The following GRIN3A variants were observed in gnomAD, a reference collection of about 807,000 sequenced individuals.
The protein encoded by GRIN3A is glutamate receptor ionotropic, NMDA 3A.
In GRIN3A, 47 loss-of-function variants were observed where a neutral mutation model predicts 92.4. The ratio of observed to expected loss-of-function variants is 0.51; its 90% confidence interval spans 0.40 to 0.65. The LOEUF is 0.65. Among genes scored for constraint, GRIN3A ranks in the 30% least tolerant of loss-of-function variants. The pLI, the probability that GRIN3A is intolerant of heterozygous loss-of-function variation, is 0.00. For synonymous variants in GRIN3A, 527 were observed against 540.6 expected, an observed-to-expected ratio of 0.97 and a Z score of 0.35; for missense variants, 1,324 against 1,393.1, an observed-to-expected ratio of 0.95 and a Z score of 0.79.
intron 1 of GRIN3A, among the ~76,000 whole-genome samples, chr9:101,712,871 A>C (rs1268099919): frequency 6.6e-6 from 1 of 152,222 alleles, no homozygotes; most frequent in African/African-American, 2.4e-5. Context: ...TTTAATCCTT[A>C]TTAAAACTCA....
chr9:101,627,400 T>G (rs535928925), intron 4 of GRIN3A, among the ~76,000 whole-genome samples: 1 of 152,374 alleles, frequency 6.6e-6, no homozygotes, highest in African/African-American at 2.4e-5. Flanking sequence ...TATTTATTTC[T>G]ATTCTTTCTT....
In GRIN3A at chr9:101,670,956, C is replaced by T. The variant is rs369373527; in HGVS notation, c.1456G>A (p.Gly486Arg). The T allele has an allele frequency of 1.2e-6, 2 of 1,613,990 alleles. No individual in the cohort carries two copies. Among genetic ancestry groups the T allele is most frequent in the Non-Finnish European group, 8.5e-7 (1 of 1,179,930 alleles). ...CCATAGTCCATGACAATCTTTCCCC[C>T]CTGCCAGCTGCCCAAGCGGGTCCAC... ...PMWTRLGSWQGGKIVMDYGIW... is the reference protein window; with the variant it reads ...PMWTRLGSWQRGKIVMDYGIW... The change falls in exon 3 of 9, where the codon GGG (glycine) becomes AGG (arginine). Residue 486 changes from glycine to arginine, a missense_variant. By Grantham distance (125) the Gly-to-Arg change is moderately radical. Transcript: ENST00000361820.
At chr9:101,589,670 T>G (rs2118804213) in intron 6 of GRIN3A, among the ~76,000 whole-genome samples, 1 of 152,282 alleles carries the variant, frequency 6.6e-6, no homozygotes, top group East Asian at 1.9e-4. Flanking sequence ...TGTTTCTCCC[T>G]TTTTATGTTT....
chr9:101,657,296 GA>G (rs1371625363), intron 3 of GRIN3A, among the ~76,000 whole-genome samples: 1 of 151,894 alleles, frequency 6.6e-6, no homozygotes, highest in Non-Finnish European at 1.5e-5. Context: ...TTTTATTATA[GA>G]TTCATATTTT....
intron 8 of GRIN3A, among the ~76,000 whole-genome samples, chr9:101,574,277 G>A (rs1827799220): frequency 6.6e-6 from 1 of 152,196 alleles, no homozygotes. Flanking sequence ...AGTCACAGGG[G>A]AAGGCTGATC....
intron 2 of GRIN3A, among the ~76,000 whole-genome samples, chr9:101,683,512 A>T (rs902307033): frequency 5.9e-5 from 9 of 152,236 alleles, no homozygotes; most frequent in African/African-American, 2.2e-4. Context: ...TTTATGGCTT[A>T]AGGCAGCTTT....
intron 2 of GRIN3A, among the ~76,000 whole-genome samples, chr9:101,678,595 A>G (rs1162570705): frequency 6.6e-6 from 1 of 152,160 alleles, no homozygotes; most frequent in East Asian, 1.9e-4. Context: ...TGTTTTGTCA[A>G]TATCTGCAAA....
intron 6 of GRIN3A, chr9:101,594,945 G>A: frequency 6.3e-7 from 1 of 1,589,758 alleles, no homozygotes; most frequent in Non-Finnish European, 8.5e-7. Context: ...CAACGGCCAC[G>A]GCTCAAAGGG....
chr9:101,691,348 A>G (rs141164039), intron 1 of GRIN3A, among the ~76,000 whole-genome samples: 123 of 152,302 alleles, frequency 8.1e-4, no homozygotes, highest in Admixed American at 1.8e-3. Flanking sequence ...CATGAAAATT[A>G]CTGTAAATGA....
intron 1 of GRIN3A, among the ~76,000 whole-genome samples, 164 bp downstream of exon 1, chr9:101,737,117 C>T (rs1830217522): frequency 6.6e-6 from 1 of 152,168 alleles, no homozygotes; most frequent in South Asian, 2.1e-4. Flanking sequence ...CTACTAAGCT[C>T]CTTCTACCTA....
intron 1 of GRIN3A, among the ~76,000 whole-genome samples, chr9:101,692,003 G>A (rs182813609): frequency 6.6e-6 from 1 of 152,306 alleles, no homozygotes; most frequent in African/African-American, 2.4e-5. Flanking sequence ...GAAAGTGCCT[G>A]GCGCAGAGTG....
chr9:101,636,062 T>G (rs1828780520), intron 3 of GRIN3A, among the ~76,000 whole-genome samples: 1 of 152,124 alleles, frequency 6.6e-6, no homozygotes, highest in South Asian at 2.1e-4. Context: ...TGTGTGTTTT[T>G]AGAAGAGAAG....
chr9:101,655,187 A>T (rs1384700953), intron 3 of GRIN3A, among the ~76,000 whole-genome samples: 2 of 152,012 alleles, frequency 1.3e-5, no homozygotes, highest in East Asian at 1.9e-4. Context: ...TAAACCACTC[A>T]AAGATTTCAT....
intron 1 of GRIN3A, among the ~76,000 whole-genome samples, chr9:101,717,787 G>A (rs1238920050): frequency 3.9e-5 from 6 of 152,210 alleles, no homozygotes; most frequent in South Asian, 2.1e-4. Flanking sequence ...GTTCAAAGAT[G>A]TGAGAACAAT....
chr9:101,594,623 T>C (rs1828087559), intron 6 of GRIN3A: 1 of 1,614,076 alleles, frequency 6.2e-7, no homozygotes, highest in Non-Finnish European at 8.5e-7. Flanking sequence ...TTTATCCATG[T>C]CGTAAATGCT....
At chr9:101,731,563 T>C (rs935911781) in intron 1 of GRIN3A, among the ~76,000 whole-genome samples, 6 of 152,172 alleles carry the variant, frequency 3.9e-5, no homozygotes, top group Non-Finnish European at 8.8e-5. Context: ...CAGGCTCATC[T>C]CCATTAACAA....
At chr9:101,635,448 C>G (rs571384742) in intron 3 of GRIN3A, among the ~76,000 whole-genome samples, 21 of 152,196 alleles carry the variant, frequency 1.4e-4, no homozygotes, top group Non-Finnish European at 2.2e-4. Flanking sequence ...CTGGCCCAAA[C>G]AGGAAATGTT....
intron 6 of GRIN3A, among the ~76,000 whole-genome samples, chr9:101,607,419 T>C (rs931882206): frequency 3.3e-4 from 50 of 152,232 alleles, no homozygotes; most frequent in African/African-American, 1.1e-3. Context: ...GAACTGTAAC[T>C]AGCAAAATGG....
rs190350216 is a variant in GRIN3A, at chr9:101,675,622, A to G, written c.1305-4515T>C. On this transcript the variant is annotated intron_variant, in intron 2 of 8. Coordinates refer to ENST00000361820, the MANE Select transcript of GRIN3A (RefSeq NM_133445.3). ...GACAGAATACATATGATAAATAGGTAATACGTGTAGGATTTAGACCTGGCA... is the reference window on the plus strand; with the variant it reads ...GACAGAATACATATGATAAATAGGTGATACGTGTAGGATTTAGACCTGGCA... Among the ~76,000 whole-genome samples the G allele has an allele frequency of 3.3e-5, 5 of 151,754 alleles. No individual in the cohort carries two copies. In the East Asian group the frequency reaches 9.7e-4, roughly 29 times the overall value.
Sources: allele counts gnomAD v4.1 joint callset (sites outside exome capture counted in the v4.1 genomes callset), GRCh38; gene constraint gnomAD v4.1.1; transcripts MANE v1.5; gene names NCBI Gene and HGNC (gene_info 2026-07-23, HGNC 2026-07-21).